Variants in CDYL observed in about 807,000 individuals in gnomAD.
CDYL encodes chromodomain Y like, also known as chromodomain Y-like protein.
In CDYL, 8 loss-of-function variants were observed where a neutral mutation model predicts 47.3. That is an observed-to-expected ratio of 0.17 (90% CI 0.10 to 0.31). The LOEUF (loss-of-function observed/expected upper bound fraction) is 0.31, where lower values mean the gene tolerates loss of function less well. Ranked by LOEUF, CDYL falls within the 10% of genes least tolerant of loss-of-function variation. CDYL has a pLI of 1.00. For missense variants in CDYL, 471 were observed against 701.4 expected, an observed-to-expected ratio of 0.67 and a Z score of 3.71; for synonymous variants, 266 against 265.0, an observed-to-expected ratio of 1.00 and a Z score of -0.04.
At chr6:4,807,551 A>G (rs1486576028) in intron 1 of CDYL, among the ~76,000 whole-genome samples, 1 of 147,368 alleles carries the variant, frequency 6.8e-6, no homozygotes, top group African/African-American at 2.5e-5. Flanking sequence ...TTGTTTTGCA[A>G]GGAGAAGCTA....
intron 2 of CDYL, among the ~76,000 whole-genome samples, chr6:4,724,053 G>A (rs1439486308): frequency 2.6e-5 from 4 of 151,788 alleles, no homozygotes; most frequent in Non-Finnish European, 5.9e-5. Flanking sequence ...CTTTTTGTGC[G>A]CGTTTGAGAG....
At chr6:4,822,652 C>T (rs1202052788) in intron 1 of CDYL, among the ~76,000 whole-genome samples, 2 of 152,102 alleles carry the variant, frequency 1.3e-5, no homozygotes, top group African/African-American at 4.8e-5. Flanking sequence ...GTGTAGTATC[C>T]AGACAGTGGG....
chr6:4,866,084 A>G (rs550895713), intron 1 of CDYL, among the ~76,000 whole-genome samples: 15 of 152,336 alleles, frequency 9.8e-5, no homozygotes, highest in African/African-American at 3.6e-4. Flanking sequence ...TAGATTAGAA[A>G]CTGAATTTCT....
At chr6:4,790,927 C>G (rs1172668132) in intron 1 of CDYL, among the ~76,000 whole-genome samples, 1 of 152,154 alleles carries the variant, frequency 6.6e-6, no homozygotes, top group East Asian at 1.9e-4. Context: ...TCCAAGTAGG[C>G]TAACTGAAAA....
intron 1 of CDYL, among the ~76,000 whole-genome samples, chr6:4,872,433 G>A (rs1581226673): frequency 6.6e-6 from 1 of 151,748 alleles, no homozygotes; most frequent in East Asian, 1.9e-4. Flanking sequence ...CCAGGCTGGA[G>A]TGCAGTGGTG....
chr6:4,807,294 G>A (rs1759397659), intron 1 of CDYL, among the ~76,000 whole-genome samples: 1 of 152,168 alleles, frequency 6.6e-6, no homozygotes, highest in African/African-American at 2.4e-5. Context: ...AATTACTGGT[G>A]ATATTAACTG....
In CDYL at chr6:4,891,946, C is replaced by T. The variant is rs1336448672; in HGVS notation, c.258C>T (p.Ser86=). Residue 86 remains serine (S), a synonymous_variant, in exon 2 of 7, where the codon TCC becomes TCT. Transcript: ENST00000397588. ...ATGCTAGGAAACAAATCTCCAGATC[C>T]ACCAACAGCAACTTTTCTAAGACCT... is the stretch of plus-strand genomic sequence containing the variant. ...PNNARKQISR[S]TNSNFSKTSP... 11 of 1,614,162 alleles carry T rather than the reference C, an allele frequency of 6.8e-6. No individual in the cohort carries two copies. Among genetic ancestry groups the T allele is most frequent in the Admixed American group, 1.7e-5 (1 of 60,036 alleles).
Position 4,935,516 on chromosome 6 carries a change from T to A in CDYL, c.693T>A (p.Gly231=). 1.9e-6 allele frequency: 3 copies of A among 1,613,258 alleles called. No homozygotes were observed. The highest frequency in any genetic ancestry group is 2.5e-6 in the Non-Finnish European group (3 of 1,179,626). Residue 231 remains glycine, a splice_region_variant and synonymous_variant, in exon 3 of 7, where the codon GGT becomes GGA. Transcript: ENST00000397588. ...MATGLAVNGK[G]TSPFMDALTA... ...ACTGTGATTTCAAACTCTCGGCAGG[T>A]ACATCTCCGTTCATGGATGCATTAA...
chr6:4,850,272 A>G (rs1476908336), intron 1 of CDYL, among the ~76,000 whole-genome samples: 2 of 152,252 alleles, frequency 1.3e-5, no homozygotes, highest in African/African-American at 2.4e-5. Context: ...TTTTAGATAC[A>G]CAAAACTCTG....
chr6:4,934,445 G>A (rs1539003), intron 2 of CDYL, among the ~76,000 whole-genome samples: 100,149 of 152,034 alleles, frequency 0.66, 33,956 homozygotes, highest in Middle Eastern at 0.86. Context: ...GTCCATTCAT[G>A]AGTTTTCTGG....
intron 1 of CDYL, among the ~76,000 whole-genome samples, chr6:4,831,599 T>G (rs993277172): frequency 2.0e-5 from 3 of 152,080 alleles, no homozygotes; most frequent in African/African-American, 7.3e-5. Flanking sequence ...AAAGTAGTTT[T>G]TTCCAATTCT....
intron 1 of CDYL, among the ~76,000 whole-genome samples, chr6:4,805,183 C>G (rs1202740197): frequency 6.6e-6 from 1 of 152,194 alleles, no homozygotes; most frequent in Non-Finnish European, 1.5e-5. Flanking sequence ...TTACTCTAAA[C>G]TTAAGAGTAA....
chr6:4,828,546 T>C (rs1246507518), intron 1 of CDYL, among the ~76,000 whole-genome samples: 2 of 152,206 alleles, frequency 1.3e-5, no homozygotes, highest in East Asian at 3.8e-4. Flanking sequence ...CTTTTAGGAT[T>C]TTCTTTTTGT....
intron 3 of CDYL, among the ~76,000 whole-genome samples, chr6:4,747,853 G>A (rs956592076): frequency 6.6e-6 from 1 of 152,218 alleles, no homozygotes; most frequent in South Asian, 2.1e-4. Context: ...TCCCATGGCA[G>A]TATGTCATTT....
chr6:4,740,810 G>A (rs1757783671), intron 3 of CDYL, among the ~76,000 whole-genome samples: 1 of 148,216 alleles, frequency 6.7e-6, no homozygotes. Flanking sequence ...TTTTTGAGAT[G>A]GAGTCTTGCT....
chr6:4,916,247 A>G (rs1245516175), intron 2 of CDYL, among the ~76,000 whole-genome samples: 1 of 152,220 alleles, frequency 6.6e-6, no homozygotes, highest in East Asian at 1.9e-4. Flanking sequence ...GATACTTTCT[A>G]GTCTACAGAA....
intron 2 of CDYL, among the ~76,000 whole-genome samples, chr6:4,734,563 G>A (rs1216547026): frequency 2.0e-5 from 3 of 152,114 alleles, no homozygotes; most frequent in Non-Finnish European, 4.4e-5. Flanking sequence ...CGCTGGGACG[G>A]GCTGCTGCAG....
intron 2 of CDYL, among the ~76,000 whole-genome samples, chr6:4,932,231 AT>A (rs1458336674): frequency 6.6e-6 from 1 of 152,190 alleles, no homozygotes; most frequent in Non-Finnish European, 1.5e-5. Context: ...TATTGTGTTA[AT>A]TATCCTCATA....
intron 1 of CDYL, among the ~76,000 whole-genome samples, chr6:4,833,674 A>G (rs938200399): frequency 2.0e-5 from 3 of 151,452 alleles, no homozygotes; most frequent in Admixed American, 6.6e-5. Flanking sequence ...ACAGTGGGGT[A>G]TTAAAGTCTC....
Sources: allele counts gnomAD v4.1 joint callset (sites outside exome capture counted in the v4.1 genomes callset), GRCh38; gene constraint gnomAD v4.1.1; transcripts MANE v1.5; gene names NCBI Gene and HGNC (gene_info 2026-07-23, HGNC 2026-07-21).